The following MRPL45 variants were observed in gnomAD, a reference collection of about 807,000 sequenced individuals.
MRPL45 encodes the protein mitochondrial ribosomal protein L45.
Under a neutral mutation model 38.1 loss-of-function variants are expected in MRPL45, and 20 were observed. That is an observed-to-expected ratio of 0.53 (90% confidence interval 0.37 to 0.76). The LOEUF (loss-of-function observed/expected upper bound fraction) is 0.76, where lower values mean the gene tolerates loss of function less well. MRPL45 is among the 30% of genes least tolerant of loss of function. The pLI is 0.00. For missense variants in MRPL45, 337 were observed against 395.6 expected (o/e 0.85, Z 1.26); for synonymous variants, 105 against 128.8 (o/e 0.82, Z 1.25).
In MRPL45 at chr17:38,319,497, TGA is replaced by T. The variant is rs1467345194; in HGVS notation, c.510+766_510+767del. 3.3e-5 allele frequency among the ~76,000 whole-genome samples: 5 copies of T among 152,098 alleles called. No individual in the cohort carries two copies. The East Asian group carries it at 9.7e-4, about 29-fold the overall frequency. ...GGTTTTTCTTAAGAAGGATCAGTTT[TGA>T]GAGTGTAGGAAGTTTAAGGCACAGG... On this transcript the variant is annotated intron_variant, in intron 5 of 7. Coordinates refer to ENST00000613675, the MANE Select transcript of MRPL45 (RefSeq NM_032351.6).
chr17:38,307,253 C>T (rs1175423654), intron 4 of MRPL45, among the ~76,000 whole-genome samples: 10 of 151,714 alleles, frequency 6.6e-5, no homozygotes, highest in African/African-American at 2.4e-4. Context: ...CCAGACTGGT[C>T]CTGAACTCCT....
chr17:38,321,310 C>T (rs62073365), intron 6 of MRPL45, among the ~76,000 whole-genome samples: 3,563 of 152,286 alleles, frequency 0.023, 94 homozygotes, highest in Admixed American at 0.075. Flanking sequence ...TCTCTGCCCC[C>T]TGTCAAAGAA....
At position 38,313,139 on chromosome 17, in the gene MRPL45, C is replaced by G. The variant is rs543550004; in HGVS notation, c.462-5548C>G. Among the ~76,000 whole-genome samples the G allele has an allele frequency of 8.7e-5, 13 of 149,432 alleles. No homozygotes were observed. In the South Asian group the frequency reaches 2.7e-3, roughly 31 times the overall value. ...AGCTGGAACTACAGGCGCCTGCCAC[C>G]ACACCCGGCTAATTTTTTGTATTTT... On this transcript the variant is annotated intron_variant, in intron 4 of 7. Coordinates refer to ENST00000613675, the MANE Select transcript of MRPL45 (RefSeq NM_032351.6).
intron 4 of MRPL45, among the ~76,000 whole-genome samples, chr17:38,307,843 C>T (rs1017585154): frequency 5.3e-5 from 2 of 37,856 alleles, no homozygotes; most frequent in African/African-American, 1.0e-4. Flanking sequence ...ACTTTTATTT[C>T]TTTAAAAAAA....
At position 38,322,710 on chromosome 17, in the gene MRPL45, C is replaced by A; in HGVS notation, c.*115C>A. Reference sequence around the variant, plus strand: ...TACCTTTGTTCTCTCCCATCCTGCTCAGGTCTTTTCAGCAGTCTCATCATC... The same window carrying A: ...TACCTTTGTTCTCTCCCATCCTGCTAAGGTCTTTTCAGCAGTCTCATCATC... On this transcript the variant is annotated 3_prime_UTR_variant, in exon 8 of 8. Coordinates refer to ENST00000613675, the MANE Select transcript of MRPL45 (RefSeq NM_032351.6). 2.6e-6 allele frequency: 2 copies of A among 768,174 alleles called. No individual in the cohort carries two copies. The highest frequency in any genetic ancestry group is 3.6e-5 in the South Asian group (2 of 55,772). 47.6% of individuals were successfully genotyped at this position (768,174 alleles called of 1,614,324 possible).
intron 3 of MRPL45, among the ~76,000 whole-genome samples, chr17:38,302,656 A>G (rs2037010420): frequency 2.0e-5 from 3 of 151,784 alleles, no homozygotes; most frequent in South Asian, 2.1e-4. Context: ...TTTTGTGTCT[A>G]TTGAGATGAT....
chr17:38,317,560 T>G (rs949324104), intron 4 of MRPL45, among the ~76,000 whole-genome samples: 1 of 152,040 alleles, frequency 6.6e-6, no homozygotes, highest in Non-Finnish European at 1.5e-5. Flanking sequence ...GTCTGTTTTG[T>G]GTTTTTTTTG....
chr17:38,318,868 C>G, intron 5 of MRPL45, 133 bp downstream of exon 5: 1 of 729,552 alleles, frequency 1.4e-6, no homozygotes, highest in South Asian at 1.6e-5. Context: ...ACTCTTGTTG[C>G]CCAGGCTGGA....
chr17:38,313,370 A>G (rs1250373635), intron 4 of MRPL45, among the ~76,000 whole-genome samples: 2 of 19,252 alleles, frequency 1.0e-4, no homozygotes, highest in African/African-American at 2.1e-4. Context: ...ATATATACGT[A>G]TATATATATA....
At chr17:38,318,794 G>T in intron 5 of MRPL45, 59 bp downstream of exon 5, 2 of 1,167,458 alleles carry the variant, frequency 1.7e-6, no homozygotes, top group Non-Finnish European at 2.5e-6. Flanking sequence ...TCTAGATGGC[G>T]TCTCTGGTTT....
intron 3 of MRPL45, among the ~76,000 whole-genome samples, chr17:38,300,129 C>G (rs1052488707): frequency 2.6e-5 from 4 of 152,010 alleles, no homozygotes; most frequent in Admixed American, 2.0e-4. Context: ...AGAGATTCTC[C>G]TGCCTCAGCC....
intron 3 of MRPL45, among the ~76,000 whole-genome samples, chr17:38,303,174 C>G (rs1487296562): frequency 5.3e-5 from 8 of 151,648 alleles, no homozygotes; most frequent in African/African-American, 1.7e-4. Context: ...ATTATGAACA[C>G]TTTTTCTTTC....
At chr17:38,298,098 G>C (rs1315530671) in intron 1 of MRPL45, among the ~76,000 whole-genome samples, 1 of 152,056 alleles carries the variant, frequency 6.6e-6, no homozygotes, top group South Asian at 2.1e-4. Flanking sequence ...AAATAATAAA[G>C]AATAGTATTC....
chr17:38,321,125 G>A (rs563657130), intron 6 of MRPL45, among the ~76,000 whole-genome samples: 4 of 152,120 alleles, frequency 2.6e-5, no homozygotes, highest in South Asian at 4.2e-4. Context: ...ACAGGGGCAC[G>A]CAACCATGCC....
chr17:38,297,715 T>A (rs2036950924), intron 1 of MRPL45, among the ~76,000 whole-genome samples: 3 of 152,126 alleles, frequency 2.0e-5, no homozygotes, highest in Admixed American at 2.0e-4. Flanking sequence ...CAGAATAAAG[T>A]TTACAGCGAG....
chr17:38,318,307 G>C (rs1396961835), intron 4 of MRPL45, among the ~76,000 whole-genome samples: 1 of 150,826 alleles, frequency 6.6e-6, no homozygotes, highest in Non-Finnish European at 1.5e-5. Flanking sequence ...ATTGTTACTT[G>C]TGTTGAACTT....
intron 4 of MRPL45, among the ~76,000 whole-genome samples, chr17:38,314,163 G>T (rs1224468113): frequency 6.6e-6 from 1 of 151,972 alleles, no homozygotes; most frequent in Non-Finnish European, 1.5e-5. Flanking sequence ...GGAGTGCAAT[G>T]GCGTGATCTC....
In MRPL45 at chr17:38,318,740, G is replaced by A. The variant is rs1374315701; in HGVS notation, c.510+5G>A. On this transcript the variant is annotated splice_donor_5th_base_variant and intron_variant, in intron 5 of 7. Transcript: ENST00000613675. ...GTAACTGAACACTGTTTTCCAGTAA[G>A]TTCTCATCCTCCTTAGAACTGTGGG... is the stretch of plus-strand genomic sequence containing the variant. The A allele has an allele frequency of 6.2e-7, 1 of 1,601,648 alleles. No individual in the cohort carries two copies. Among genetic ancestry groups the A allele is most frequent in the African/African-American group, 1.3e-5 (1 of 74,236 alleles).
chr17:38,320,897 T>C (rs2037223338), intron 6 of MRPL45, 130 bp downstream of exon 6: 2 of 860,578 alleles, frequency 2.3e-6, no homozygotes, highest in East Asian at 2.4e-5. Context: ...TCTGTCTTCC[T>C]TGCTGTGCCG....
Sources: allele counts gnomAD v4.1 joint callset (sites outside exome capture counted in the v4.1 genomes callset), GRCh38; gene constraint gnomAD v4.1.1; transcripts MANE v1.5; gene names NCBI Gene and HGNC (gene_info 2026-07-23, HGNC 2026-07-21).